SPATA6: variants seen among roughly 807,000 people sequenced by gnomAD.
The protein encoded by SPATA6 is spermatogenesis associated 6.
In SPATA6, 56 loss-of-function variants were observed where a neutral mutation model predicts 65.3. That is an observed-to-expected ratio of 0.86 (90% CI 0.69 to 1.07). The LOEUF (loss-of-function observed/expected upper bound fraction) is 1.07, where lower values mean the gene tolerates loss of function less well. SPATA6 is among the 50% of genes least tolerant of loss of function. The pLI is 0.00. For synonymous variants in SPATA6, 199 were observed against 213.2 expected (o/e 0.93, Z 0.58); for missense variants, 590 against 594.8 (o/e 0.99, Z 0.08).
chr1:48,436,639 T>C, intron 3 of SPATA6: 1 of 1,614,148 alleles, frequency 6.2e-7, no homozygotes, highest in East Asian at 2.2e-5. Flanking sequence ...TTTCCCACAG[T>C]TCAGCACATC....
At chr1:48,456,347 TAAAC>T (rs1410053144) in intron 1 of SPATA6, among the ~76,000 whole-genome samples, 5 of 152,092 alleles carry the variant, frequency 3.3e-5, no homozygotes, top group Admixed American at 2.0e-4. Context: ...GGAAATTAAT[TAAAC>T]AAACAAAAAA....
chr1:48,340,566 T>TA (rs939993252), intron 11 of SPATA6, among the ~76,000 whole-genome samples: 29 of 151,278 alleles, frequency 1.9e-4, no homozygotes, highest in Admixed American at 3.3e-4. Flanking sequence ...GGGTAACTAT[T>TA]AAAAAAATAA....
intron 9 of SPATA6, among the ~76,000 whole-genome samples, chr1:48,371,167 A>G (rs1020389842): frequency 3.3e-5 from 5 of 152,196 alleles, no homozygotes; most frequent in Admixed American, 3.3e-4. Flanking sequence ...ATGGATTATC[A>G]TTAGAAAATT....
chr1:48,443,684 G>A (rs893674319), intron 3 of SPATA6, among the ~76,000 whole-genome samples: 10 of 152,254 alleles, frequency 6.6e-5, no homozygotes, highest in East Asian at 5.8e-4. Flanking sequence ...GCCACCCGGC[G>A]TTTACAGGAA....
intron 8 of SPATA6, 42 bp from the exon 9 acceptor site, chr1:48,385,391 T>C: frequency 1.9e-6 from 3 of 1,564,800 alleles, no homozygotes; most frequent in Non-Finnish European, 1.7e-6. Flanking sequence ...TAAATTTGGT[T>C]TCATCTTTGA....
In SPATA6 at chr1:48,410,695, C is replaced by T. The variant is rs566025997; in HGVS notation, c.405+769G>A. 1.1e-4 allele frequency among the ~76,000 whole-genome samples: 17 copies of T among 152,206 alleles called. No homozygotes were observed. The East Asian group carries it at 3.1e-3, about 28-fold the overall frequency. On this transcript the variant is annotated intron_variant, in intron 5 of 12. Transcript: ENST00000371847. ...GCAAATCATCTTACATGGCAGCAGG[C>T]GAGAGAGAAAATGTGTGTGCAGCAG...
intron 3 of SPATA6, among the ~76,000 whole-genome samples, chr1:48,439,785 G>T (rs1407327678): frequency 6.6e-6 from 1 of 152,114 alleles, no homozygotes; most frequent in African/African-American, 2.4e-5. Flanking sequence ...TAAGCCACTG[G>T]GACCAATTTG....
the SPATA6 span, among the ~76,000 whole-genome samples, chr1:48,274,746 T>C: frequency 6.6e-6 from 1 of 152,200 alleles, no homozygotes; most frequent in Non-Finnish European, 1.5e-5. Flanking sequence ...ACTGTAGCCT[T>C]GTAGTATAAT....
At chr1:48,289,659 C>A in the SPATA6 span, among the ~76,000 whole-genome samples, 2 of 152,174 alleles carry the variant, frequency 1.3e-5, no homozygotes, top group Admixed American at 6.5e-5. Context: ...TCTTAAATGA[C>A]CTGATGGAGC....
intron 1 of SPATA6, among the ~76,000 whole-genome samples, chr1:48,460,570 AG>A (rs1412745793): frequency 1.3e-5 from 2 of 152,112 alleles, no homozygotes; most frequent in Admixed American, 1.3e-4. Flanking sequence ...CCAGTGCAGA[AG>A]GACAAGAAAA....
intron 11 of SPATA6, among the ~76,000 whole-genome samples, chr1:48,347,907 C>T (rs1570239510): frequency 6.6e-6 from 1 of 151,954 alleles, no homozygotes. Flanking sequence ...TCTCAACACT[C>T]CTGTGACTTC....
chr1:48,424,696 C>A (rs537374107), intron 3 of SPATA6, among the ~76,000 whole-genome samples: 4 of 152,178 alleles, frequency 2.6e-5, no homozygotes, highest in Non-Finnish European at 5.9e-5. Context: ...TACGGTGAGA[C>A]AATAATCACA....
At chr1:48,322,386 A>T (rs1570111871) in intron 11 of SPATA6, among the ~76,000 whole-genome samples, 1 of 152,268 alleles carries the variant, frequency 6.6e-6, no homozygotes, top group South Asian at 2.1e-4. Context: ...ATGAAACTGG[A>T]TCCCTTCCTT....
Position 48,471,857 on chromosome 1 carries a change from C to T in SPATA6, c.51+101G>A, listed in dbSNP as rs533153297. On this transcript the variant is annotated intron_variant, in intron 1 of 12. Transcript: ENST00000371847. Reference sequence around the variant, plus strand: ...AGGTCGACGCTCCCTAGGGATGATTCGGAGGGTGAAGGAGGTTTGGGGGTG... The same window carrying T: ...AGGTCGACGCTCCCTAGGGATGATTTGGAGGGTGAAGGAGGTTTGGGGGTG... 5.2e-4 allele frequency: 714 copies of T among 1,374,732 alleles called. 1 individual carries two copies. The highest frequency in any genetic ancestry group is 7.0e-4 in the Non-Finnish European group (687 of 986,390). The allele number at this position is 1,374,732 out of a possible 1,614,324, so 85.2% of individuals were successfully genotyped here. A position where few individuals can be genotyped will look rare whatever the true frequency, so the allele number is the denominator to read the frequency against.
chr1:48,320,118 A>G (rs1045424040), intron 11 of SPATA6, among the ~76,000 whole-genome samples: 5 of 152,162 alleles, frequency 3.3e-5, no homozygotes, highest in African/African-American at 4.8e-5. Context: ...CCATTGCTCA[A>G]ATAGTCTCAA....
chr1:48,335,619 T>G (rs904534003), intron 11 of SPATA6, among the ~76,000 whole-genome samples: 1 of 152,076 alleles, frequency 6.6e-6, no homozygotes, highest in African/African-American at 2.4e-5. Flanking sequence ...TTAAAACATA[T>G]GCAAAAATCA....
chr1:48,308,259 G>T (rs1318761672), intron 11 of SPATA6, among the ~76,000 whole-genome samples: 1 of 151,744 alleles, frequency 6.6e-6, no homozygotes, highest in African/African-American at 2.4e-5. Flanking sequence ...TACTTTCCAT[G>T]AGGATTACAA....
intron 1 of SPATA6, among the ~76,000 whole-genome samples, chr1:48,470,155 CAACT>C (rs1369145118): frequency 1.3e-5 from 2 of 152,162 alleles, no homozygotes; most frequent in Non-Finnish European, 2.9e-5. Flanking sequence ...TTCTGCAATA[CAACT>C]AATACTCAGG....
intron 11 of SPATA6, among the ~76,000 whole-genome samples, chr1:48,347,142 A>G (rs1019306298): frequency 3.9e-5 from 6 of 152,010 alleles, no homozygotes; most frequent in African/African-American, 1.4e-4. Context: ...AACAGAACAG[A>G]GAACCCAGAA....
Sources: gnomAD v4.1 joint callset for allele counts (sites outside exome capture counted in the v4.1 genomes callset) on GRCh38, gnomAD v4.1.1 for gene constraint, MANE v1.5 for transcripts, NCBI Gene and HGNC (gene_info 2026-07-23, HGNC 2026-07-21) for gene names.